DAPL1: variants seen among roughly 807,000 people sequenced by gnomAD.
The protein encoded by DAPL1 is death associated protein like 1.
Under a neutral mutation model 12.9 loss-of-function variants are expected in DAPL1, and 17 were observed. That is an observed-to-expected ratio of 1.32 (90% CI 0.90 to 1.98). DAPL1 has a LOEUF of 1.98. Ranked by LOEUF, DAPL1 falls within the 30% of genes most tolerant of loss-of-function variation. The probability of loss-of-function intolerance (pLI) is 0.00; values close to 1 mark genes in which losing one functional copy is unlikely to be tolerated. For synonymous variants in DAPL1, 51 were observed against 42.0 expected (o/e 1.21, Z -0.82); for missense variants, 157 against 125.7 (o/e 1.25, Z -1.19).
rs575461737 is a variant in DAPL1, at chr2:158,805,887, C to T, written c.147-1168C>T. 1.1e-4 allele frequency among the ~76,000 whole-genome samples: 17 copies of T among 148,482 alleles called. 1 individual carries two copies. Among genetic ancestry groups the T allele is most frequent in the Non-Finnish European group, 1.8e-4 (12 of 66,310 alleles). ...GTACCAGGGACAGAAACAGGTTATG[C>T]GGAGCTTGAATCTTATGGACTTTCA... On this transcript the variant is annotated intron_variant, in intron 2 of 3. Coordinates refer to ENST00000309950, the MANE Select transcript of DAPL1 (RefSeq NM_001017920.3).
chr2:158,798,302 A>T (rs2059145800), intron 1 of DAPL1, among the ~76,000 whole-genome samples: 1 of 152,230 alleles, frequency 6.6e-6, no homozygotes, highest in African/African-American at 2.4e-5. Context: ...AATGGGGGAC[A>T]ACCATAAACT....
chr2:158,813,285 A>G (rs4665013), intron 3 of DAPL1, among the ~76,000 whole-genome samples: 49,576 of 151,982 alleles, frequency 0.33, 8,910 homozygotes, highest in East Asian at 0.75. Context: ...GTTTAGGATG[A>G]TGAAAAAGTT....
At chr2:158,808,159 G>A (rs2059211923) in intron 3 of DAPL1, among the ~76,000 whole-genome samples, 1 of 152,206 alleles carries the variant, frequency 6.6e-6, no homozygotes, top group South Asian at 2.1e-4. Context: ...GGAAGGCGTT[G>A]GACAAAGTGT....
At chr2:158,797,535 T>C (rs1242987821) in intron 1 of DAPL1, among the ~76,000 whole-genome samples, 1 of 152,194 alleles carries the variant, frequency 6.6e-6, no homozygotes, top group Non-Finnish European at 1.5e-5. Context: ...CTCACGCCTG[T>C]AATCCCAGCA....
At chr2:158,796,157 C>A (rs762177432) in intron 1 of DAPL1, among the ~76,000 whole-genome samples, 1 of 152,038 alleles carries the variant, frequency 6.6e-6, no homozygotes. Context: ...GGTGTACAGG[C>A]CTATTTTTAG....
At chr2:158,796,243 T>C (rs2059133864) in intron 1 of DAPL1, among the ~76,000 whole-genome samples, 1 of 152,250 alleles carries the variant, frequency 6.6e-6, no homozygotes, top group Non-Finnish European at 1.5e-5. Flanking sequence ...TGCTTTGTTC[T>C]TGCCTTTCTC....
At chr2:158,810,674 G>A (rs1457343193) in intron 3 of DAPL1, among the ~76,000 whole-genome samples, 1 of 152,094 alleles carries the variant, frequency 6.6e-6, no homozygotes, top group East Asian at 1.9e-4. Flanking sequence ...CACACAGCCT[G>A]CTTTCTCCCA....
chr2:158,813,196 T>C (rs2059240989), intron 3 of DAPL1, among the ~76,000 whole-genome samples: 1 of 152,118 alleles, frequency 6.6e-6, no homozygotes, highest in Admixed American at 6.5e-5. Context: ...TTCATAGTTA[T>C]AGAAAGTAGA....
chr2:158,813,179 A>G (rs914526825), intron 3 of DAPL1, among the ~76,000 whole-genome samples: 1 of 152,200 alleles, frequency 6.6e-6, no homozygotes, highest in Non-Finnish European at 1.5e-5. Flanking sequence ...TACCCAAAGT[A>G]GTCAGATTCA....
At chr2:158,813,835 G>A (rs904260152) in intron 3 of DAPL1, among the ~76,000 whole-genome samples, 4 of 152,168 alleles carry the variant, frequency 2.6e-5, no homozygotes, top group East Asian at 1.9e-4. Flanking sequence ...GATTGCAGGT[G>A]TGGGCCACCG....
intron 1 of DAPL1, among the ~76,000 whole-genome samples, chr2:158,801,609 T>C (rs904632081): frequency 1.3e-5 from 2 of 152,190 alleles, no homozygotes; most frequent in Non-Finnish European, 2.9e-5. Flanking sequence ...TTAAAGCAGA[T>C]AATGTATAAA....
intron 3 of DAPL1, 84 bp downstream of exon 3, chr2:158,807,199 TGAGGTTTTTTCCAACCCA>T (rs2059207790): frequency 8.4e-6 from 9 of 1,073,092 alleles, no homozygotes; most frequent in Non-Finnish European, 1.2e-5. Context: ...GGATGACCAC[TGAGGTTTTTTCCAACCCA>T]GAGGTTTGAG....
At chr2:158,814,595 C>A (rs1332090847) in intron 3 of DAPL1, among the ~76,000 whole-genome samples, 1 of 152,176 alleles carries the variant, frequency 6.6e-6, no homozygotes, top group Admixed American at 6.5e-5. Context: ...TTTGGAGTCA[C>A]ATTTCGTATG....
Position 158,795,400 on chromosome 2 carries a change from TC to T in DAPL1, c.32del (p.Pro11LeufsTer10). MANEVQDLLSPRKGGHPPAV... is the reference protein window; with the variant it reads MANEVQDLLXPRKGGHPPAV... ...GGCAAATGAAGTGCAAGACCTGCTC[TC>T]CCCTCGGAAAGGGGGACATCCTCCT... On this transcript the variant is annotated frameshift_variant, in exon 1 of 4. Coordinates refer to ENST00000309950, the MANE Select transcript of DAPL1 (RefSeq NM_001017920.3). LOFTEE classifies it high-confidence loss of function. The T allele has an allele frequency of 6.4e-7, 1 of 1,555,944 alleles. No homozygotes were observed. Among genetic ancestry groups the T allele is most frequent in the Non-Finnish European group, 8.7e-7 (1 of 1,149,454 alleles).
intron 3 of DAPL1, among the ~76,000 whole-genome samples, chr2:158,808,580 G>A (rs2059213958): frequency 6.6e-6 from 1 of 152,168 alleles, no homozygotes; most frequent in Non-Finnish European, 1.5e-5. Context: ...TAGCTACAGA[G>A]CCTTCTCACA....
At chr2:158,803,474 C>T (rs2059180367) in intron 1 of DAPL1, among the ~76,000 whole-genome samples, 1 of 152,176 alleles carries the variant, frequency 6.6e-6, no homozygotes, top group Admixed American at 6.5e-5. Context: ...GTCCATTTAG[C>T]TTTTTCTCAT....
chr2:158,795,525 C>G (rs2059130052), intron 1 of DAPL1, 95 bp downstream of exon 1: 3 of 1,196,842 alleles, frequency 2.5e-6, no homozygotes, highest in Non-Finnish European at 3.6e-6. Flanking sequence ...GGAAGCTTCT[C>G]TGTCTACCCA....
intron 3 of DAPL1, among the ~76,000 whole-genome samples, chr2:158,809,957 T>C (rs2059221878): frequency 6.6e-6 from 1 of 152,144 alleles, no homozygotes; most frequent in Admixed American, 6.5e-5. Flanking sequence ...TCTACCAAGA[T>C]CAGCAGTTGT....
chr2:158,807,296 C>T (rs2059208266), intron 3 of DAPL1, among the ~76,000 whole-genome samples, 181 bp downstream of exon 3: 1 of 152,182 alleles, frequency 6.6e-6, no homozygotes, highest in Non-Finnish European at 1.5e-5. Flanking sequence ...AGCTGCTTCT[C>T]TCAAATTCCT....
Sources: gnomAD v4.1 joint callset for allele counts (sites outside exome capture counted in the v4.1 genomes callset) on GRCh38, gnomAD v4.1.1 for gene constraint, MANE v1.5 for transcripts, NCBI Gene and HGNC (gene_info 2026-07-23, HGNC 2026-07-21) for gene names.